Variants in SDK2 observed in about 807,000 individuals in gnomAD.
SDK2 encodes sidekick cell adhesion molecule 2.
A neutral mutation model predicts 253.9 loss-of-function variants in SDK2; 105 were observed. The observed-to-expected ratio is 0.41, with a 90% CI of 0.35 to 0.49. The LOEUF (loss-of-function observed/expected upper bound fraction) is 0.49, where lower values mean the gene tolerates loss of function less well. SDK2 is among the 20% of genes least tolerant of loss of function. The pLI is 0.06. For missense variants in SDK2, 2,608 were observed against 3,003.0 expected (o/e 0.87, Z 3.07); for synonymous variants, 1,249 against 1,234.9 (o/e 1.01, Z -0.24).
chr17:73,433,786 C>CCA lies in SDK2; in HGVS notation c.1256_1257dup (p.Val420TrpfsTer3). The stretch of plus-strand genomic sequence containing the variant: ...GCCCCCGAGGTCTCACATGCTAGCA[C>CCA]CACTGACATGCCATCGATCACCGTG... On this transcript the variant is annotated frameshift_variant, in exon 10 of 45. Transcript: ENST00000392650. LOFTEE classifies it high-confidence loss of function. The CCA allele has an allele frequency of 1.9e-6, 3 of 1,607,318 alleles. No individual in the cohort carries two copies. The highest frequency in any genetic ancestry group is 2.5e-6 in the Non-Finnish European group (3 of 1,176,906).
chr17:73,515,696 G>C (rs559926574), intron 1 of SDK2, among the ~76,000 whole-genome samples: 1 of 152,368 alleles, frequency 6.6e-6, no homozygotes, highest in Admixed American at 6.5e-5. Context: ...TAAGCTGGGG[G>C]ACCCCACCCT....
rs1024556693 is a variant in SDK2 at position 73,361,951 on chromosome 17, A to T, written c.5306-106T>A. ...TGGCCTGGGCCCCGGGACCCTGGGT[A>T]GGGGCCTCACTCCTTGAGGTCAGGC... On this transcript the variant is annotated intron_variant, in intron 38 of 44. Coordinates refer to ENST00000392650, the MANE Select transcript of SDK2 (RefSeq NM_001144952.2). The surrounding 1 kb of genome is among the most constrained non-coding windows in gnomAD (Gnocchi z 4.1). 8.6e-5 allele frequency: 96 copies of T among 1,121,572 alleles called. 1 individual carries two copies. The highest frequency in any genetic ancestry group is 2.6e-4 in the Middle Eastern group (1 of 3,836). The allele number at this position is 1,121,572 out of a possible 1,614,324, so 69.5% of individuals were successfully genotyped here. A position where few individuals can be genotyped will look rare whatever the true frequency, so the allele number is the denominator to read the frequency against.
chr17:73,500,220 C>T (rs1448692428), intron 2 of SDK2, among the ~76,000 whole-genome samples: 1 of 147,512 alleles, frequency 6.8e-6, no homozygotes, highest in Admixed American at 6.7e-5. Flanking sequence ...CCATCTCCTC[C>T]ATCCTCCCTC....
At chr17:73,378,365 G>A (rs60901502) in intron 36 of SDK2, among the ~76,000 whole-genome samples, 6,701 of 152,054 alleles carry the variant, frequency 0.044, 183 homozygotes, top group Middle Eastern at 0.095. Context: ...GCCTCCTAAA[G>A]TGCGGGAATT....
intron 15 of SDK2, among the ~76,000 whole-genome samples, chr17:73,419,905 A>T (rs80244134): frequency 0.012 from 1,771 of 151,624 alleles, 34 homozygotes; most frequent in African/African-American, 0.04. Context: ...ATTAATGTAC[A>T]TGTTTTTGGT....
chr17:73,338,678 G>A lies in SDK2; in HGVS notation c.6428C>T (p.Pro2143Leu), dbSNP rs773595580. 6 of 1,592,290 alleles carry A rather than the reference G, an allele frequency of 3.8e-6. No homozygotes were observed. Among genetic ancestry groups the A allele is most frequent in the Admixed American group, 3.6e-5 (2 of 56,118 alleles). ...GTAGAGGGTGCTCTGCTGACTTGGG[G>A]GGTTAGGGGGGTTCTGGGGCGTTGG... Reference protein sequence around the residue: ...RTPTPQNPPNPPSQQSTLYRP... With the variant: ...RTPTPQNPPNLPSQQSTLYRP... The change falls in exon 45 of 45, where the codon CCC becomes CTC. Residue 2143 changes from proline (P) to leucine (L), a missense_variant. Pro to Leu is a moderately conservative substitution (Grantham distance 98). Transcript: ENST00000392650. The surrounding 1 kb of genome is among the most constrained non-coding windows in gnomAD (Gnocchi z 5.0).
rs771402658 is a variant in SDK2, at chr17:73,419,245, T to A, written c.2107A>T (p.Thr703Ser). The A allele has an allele frequency of 6.2e-7, 1 of 1,612,962 alleles. No individual in the cohort carries two copies. Among genetic ancestry groups the A allele is most frequent in the East Asian group, 2.2e-5 (1 of 44,870 alleles). Residue 703 changes from threonine (T) to serine (S), a missense_variant, in exon 16 of 45, where the codon ACC becomes TCC. By Grantham distance (58) the Thr-to-Ser change is moderately conservative. Transcript: ENST00000392650. ...CACTGGATCATGATGGACTGGTTGGTTCGACCGCTGGCGATGACGTTCTGT... is the reference window on the plus strand; with the variant it reads ...CACTGGATCATGATGGACTGGTTGGATCGACCGCTGGCGATGACGTTCTGT... ...PPQNVIASGRTNQSIMIQWQP... is the reference protein window; with the variant it reads ...PPQNVIASGRSNQSIMIQWQP...
intron 1 of SDK2, among the ~76,000 whole-genome samples, chr17:73,509,523 C>T (rs2063961515): frequency 1.3e-5 from 2 of 151,424 alleles, no homozygotes; most frequent in Admixed American, 6.6e-5. Context: ...GCCATGGTGG[C>T]TCATGCCTGT....
chr17:73,376,452 C>T (rs1034364881), intron 36 of SDK2, among the ~76,000 whole-genome samples: 1 of 152,214 alleles, frequency 6.6e-6, no homozygotes, highest in African/African-American at 2.4e-5. Flanking sequence ...AATGCAGTAT[C>T]AGCTTCGGTG....
chr17:73,511,853 T>G lies in SDK2; in HGVS notation c.65-4256A>C, dbSNP rs1321073780. ...GAATGACAGACTGAGGGGAAGAAGA[T>G]GCTGCTGGGATAACAGAACGTGTGG... is the stretch of plus-strand genomic sequence containing the variant. On this transcript the variant is annotated intron_variant, in intron 1 of 44. Transcript: ENST00000392650. This position sits in a 1 kb window ranked among gnomAD's most constrained non-coding sequence, Gnocchi z 4.9. Among the ~76,000 whole-genome samples the G allele has an allele frequency of 6.6e-6, 1 of 152,152 alleles. No individual in the cohort carries two copies. The highest frequency in any genetic ancestry group is 1.9e-4 in the East Asian group (1 of 5,194).
At chr17:73,430,367 C>CA (rs1300698705) in intron 12 of SDK2, 144 bp downstream of exon 12, 1 of 630,194 alleles carries the variant, frequency 1.6e-6, no homozygotes, top group Non-Finnish European at 2.8e-6. Context: ...CTCAGCCCTG[C>CA]ACTCAGCTCT....
intron 1 of SDK2, among the ~76,000 whole-genome samples, chr17:73,569,887 G>A (rs1289852808): frequency 6.6e-6 from 1 of 151,972 alleles, no homozygotes; most frequent in Non-Finnish European, 1.5e-5. Context: ...GGAGCTACAC[G>A]GCTGTCACCA....
At position 73,419,172 on chromosome 17, in the gene SDK2, A is replaced by C. The variant is rs767128211; in HGVS notation, c.2180T>G (p.Ile727Ser). 6.2e-7 allele frequency: 1 copy of C among 1,612,042 alleles called. No individual in the cohort carries two copies. Residue 727 changes from isoleucine (I) to serine (S), a missense_variant, in exon 16 of 45, where the codon ATC (isoleucine) becomes AGC (serine). Coordinates refer to ENST00000392650, the MANE Select transcript of SDK2 (RefSeq NM_001144952.2). ...SHQNGILKGY[I>S]IRYCLAGLPV... ...CCCCAGGGTGGACACCCACCTGATG[A>C]TGTAACCCTTGAGAATTCCATTCTG...
intron 1 of SDK2, among the ~76,000 whole-genome samples, chr17:73,578,568 G>A (rs1034727771): frequency 4.6e-5 from 7 of 152,180 alleles, no homozygotes; most frequent in Non-Finnish European, 1.0e-4. Context: ...ACAGAGGAGT[G>A]TGATTATTTG....
In SDK2 at chr17:73,455,500, C is replaced by T. The variant is rs1049977464; in HGVS notation, c.479+406G>A. On this transcript the variant is annotated intron_variant, in intron 4 of 44. Transcript: ENST00000392650. This position sits in a 1 kb window ranked among gnomAD's most constrained non-coding sequence, Gnocchi z 5.0. The stretch of plus-strand genomic sequence containing the variant: ...CCAGTAAACACCCTGCCAACGGACG[C>T]GCCCAGGGCCTCCCGGCTGCCCAGG... Among the ~76,000 whole-genome samples the T allele has an allele frequency of 1.1e-4, 16 of 152,320 alleles. No homozygotes were observed. Among genetic ancestry groups the T allele is most frequent in the African/African-American group, 2.9e-4 (12 of 41,570 alleles).
intron 10 of SDK2, among the ~76,000 whole-genome samples, chr17:73,433,284 T>C (rs897590879): frequency 6.9e-6 from 1 of 145,074 alleles, no homozygotes; most frequent in South Asian, 2.4e-4. Flanking sequence ...ATGTGAAGGA[T>C]GCTCTTTTTT....
At position 73,443,759 on chromosome 17, in the gene SDK2, A is replaced by G. The variant is rs2063432457; in HGVS notation, c.614-2836T>C. On this transcript the variant is annotated intron_variant, in intron 5 of 44. Coordinates refer to ENST00000392650, the MANE Select transcript of SDK2 (RefSeq NM_001144952.2). This position sits in a 1 kb window ranked among gnomAD's most constrained non-coding sequence, Gnocchi z 4.6. The stretch of plus-strand genomic sequence containing the variant: ...TCAAAGCCTAGCTCTGCCCCCAGGT[A>G]TCCTGGTGACTTCATCCTACTGAGT... Among the ~76,000 whole-genome samples, 1 of 152,182 alleles carries G rather than the reference A, an allele frequency of 6.6e-6. No homozygotes were observed. The highest frequency in any genetic ancestry group is 1.5e-5 in the Non-Finnish European group (1 of 68,026).
chr17:73,615,665 A>C (rs1386900853), intron 1 of SDK2, among the ~76,000 whole-genome samples: 1 of 152,186 alleles, frequency 6.6e-6, no homozygotes, highest in Non-Finnish European at 1.5e-5. Flanking sequence ...TAAAACTCTC[A>C]GCTAGGTGAT....
At chr17:73,558,776 C>T (rs563861537) in intron 1 of SDK2, among the ~76,000 whole-genome samples, 1 of 152,304 alleles carries the variant, frequency 6.6e-6, no homozygotes, top group East Asian at 1.9e-4. Context: ...GTCTCTCCTA[C>T]AAGATCCTGG....
Sources: allele counts gnomAD v4.1 joint callset (sites outside exome capture counted in the v4.1 genomes callset), GRCh38; gene constraint gnomAD v4.1.1; non-coding constraint Gnocchi (gnomAD v3.1); transcripts MANE v1.5; gene names NCBI Gene and HGNC (gene_info 2026-07-23, HGNC 2026-07-21).